Variants in C11orf65 observed in about 807,000 individuals in gnomAD.
C11orf65 encodes protein MFI.
Under a neutral mutation model 35.3 loss-of-function variants are expected in C11orf65, and 38 were observed. The ratio of observed to expected loss-of-function variants is 1.08; its 90% CI spans 0.83 to 1.41. The LOEUF (loss-of-function observed/expected upper bound fraction) is 1.41, where lower values mean the gene tolerates loss of function less well. C11orf65 is among the 40% of genes most tolerant of loss of function. C11orf65 has a pLI of 0.00. For missense variants in C11orf65, 370 were observed against 367.1 expected, an observed-to-expected ratio of 1.01 and a Z score of -0.06; for synonymous variants, 105 against 114.4, an observed-to-expected ratio of 0.92 and a Z score of 0.53.
At chr11:108,448,738 C>T (rs908775520) in intron 2 of C11orf65, among the ~76,000 whole-genome samples, 2 of 152,172 alleles carry the variant, frequency 1.3e-5, no homozygotes, top group Admixed American at 6.5e-5. Flanking sequence ...ACAGGATGCC[C>T]TCTCTCACCA....
chr11:108,419,068 A>G (rs1408638551), intron 3 of C11orf65, among the ~76,000 whole-genome samples: 38 of 152,196 alleles, frequency 2.5e-4, no homozygotes, highest in Admixed American at 2.5e-3. Context: ...TAAGGATGAA[A>G]ATAACACTCA....
In C11orf65 at chr11:108,326,230, G is replaced by GT. The variant is rs763287238; in HGVS notation, c.641-17160dup. The GT allele has an allele frequency of 1.0e-4, 164 of 1,608,806 alleles. No homozygotes were observed. Among genetic ancestry groups the GT allele is most frequent in the Middle Eastern group, 8.2e-4 (5 of 6,066 alleles). On this transcript the variant is annotated intron_variant, in intron 6 of 6. Coordinates refer to the C11orf65 transcript ENST00000525729. ...TTGGATGCCAGCTGTGCAGCGGTTT[G>GT]TTTTTTTTATTGGCTGGATTAGTGT...
chr11:108,353,666 G>GT, intron 2 of C11orf65: 2 of 930,724 alleles, frequency 2.1e-6, no homozygotes, highest in Non-Finnish European at 3.5e-6. Context: ...TAGAACGTAG[G>GT]TAACATGTGG....
chr11:108,433,439 A>G (rs2093020553), intron 2 of C11orf65, among the ~76,000 whole-genome samples: 3 of 151,618 alleles, frequency 2.0e-5, no homozygotes, highest in African/African-American at 7.3e-5. Context: ...AATTAGTTAG[A>G]TGTGGTGGCA....
intron 2 of C11orf65, chr11:108,335,327 G>A: frequency 7.0e-7 from 1 of 1,420,258 alleles, no homozygotes; most frequent in South Asian, 1.3e-5. Flanking sequence ...GTTGATTCAA[G>A]TAAAAGAATA....
intron 2 of C11orf65, among the ~76,000 whole-genome samples, chr11:108,372,806 C>T (rs568656167): frequency 1.2e-4 from 18 of 152,154 alleles, no homozygotes; most frequent in Middle Eastern, 3.4e-3. Context: ...AGAAAGATGC[C>T]GGGCACACAT....
chr11:108,443,280 C>T (rs1233509790), intron 2 of C11orf65, among the ~76,000 whole-genome samples: 7 of 152,136 alleles, frequency 4.6e-5, no homozygotes, highest in Non-Finnish European at 1.0e-4. Flanking sequence ...GCTAACTATC[C>T]TAAATATATA....
intron 6 of C11orf65, among the ~76,000 whole-genome samples, chr11:108,314,223 C>T (rs760928711): frequency 6.6e-6 from 1 of 152,092 alleles, no homozygotes; most frequent in Non-Finnish European, 1.5e-5. Context: ...TCAAGCCATC[C>T]TCCAACCTCA....
chr11:108,339,394 G>A (rs2087234032), intron 2 of C11orf65, among the ~76,000 whole-genome samples: 1 of 151,964 alleles, frequency 6.6e-6, no homozygotes, highest in African/African-American at 2.4e-5. Context: ...CTCAGTCATG[G>A]TTCTGGGGAG....
intron 2 of C11orf65, among the ~76,000 whole-genome samples, chr11:108,452,979 A>G (rs1331162152): frequency 8.3e-6 from 1 of 120,056 alleles, no homozygotes; most frequent in African/African-American, 3.2e-5. Flanking sequence ...GGTGGGGAAC[A>G]TCACACACCA....
intron 2 of C11orf65, chr11:108,345,992 T>A: frequency 6.6e-7 from 1 of 1,504,882 alleles, no homozygotes; most frequent in Non-Finnish European, 9.2e-7. Context: ...TTTTTCTACA[T>A]TCTGAGTTGC....
intron 6 of C11orf65, among the ~76,000 whole-genome samples, chr11:108,404,398 C>T (rs2092498286): frequency 6.6e-6 from 1 of 152,018 alleles, no homozygotes; most frequent in Non-Finnish European, 1.5e-5. Context: ...CACTTTCTGT[C>T]TTTGATACTT....
downstream of C11orf65, among the ~76,000 whole-genome samples, chr11:108,380,475 T>C (rs2091846835): frequency 6.6e-6 from 1 of 152,150 alleles, no homozygotes; most frequent in African/African-American, 2.4e-5. Context: ...ATATCACTTT[T>C]ATGCTTACCA....
downstream of C11orf65, among the ~76,000 whole-genome samples, chr11:108,380,688 G>A (rs75531414): frequency 0.012 from 1,873 of 152,278 alleles, 46 homozygotes; most frequent in African/African-American, 0.042. Context: ...TGCTTCCACT[G>A]CTGAATGACA....
At position 108,427,191 on chromosome 11, in the gene C11orf65, G is replaced by A. The variant is rs544919194; in HGVS notation, c.174+4555C>T. 8.8e-4 allele frequency among the ~76,000 whole-genome samples: 134 copies of A among 152,204 alleles called. 1 individual carries two copies. Among genetic ancestry groups the A allele is most frequent in the African/African-American group, 2.9e-3 (120 of 41,542 alleles). Reference sequence around the variant, plus strand: ...AATAAAAGCCAAAAGTGACAAATGGGATCTAATTAAACTAAAGAGCTTCTG... The same window carrying A: ...AATAAAAGCCAAAAGTGACAAATGGAATCTAATTAAACTAAAGAGCTTCTG... On this transcript the variant is annotated intron_variant, in intron 3 of 8. Coordinates refer to ENST00000393084, the MANE Select transcript of C11orf65 (RefSeq NM_152587.5).
intron 2 of C11orf65, among the ~76,000 whole-genome samples, chr11:108,363,713 C>T (rs1448222578): frequency 1.3e-5 from 2 of 152,240 alleles, no homozygotes; most frequent in African/African-American, 4.8e-5. Context: ...TATTCCTTTA[C>T]TGTTTCCAAC....
At chr11:108,365,579 C>A (rs2137937707) in intron 2 of C11orf65, 1 of 1,515,082 alleles carries the variant, frequency 6.6e-7, no homozygotes, top group Non-Finnish European at 9.0e-7. Flanking sequence ...TTTAACCTGC[C>A]AACATACTTT....
intron 2 of C11orf65, among the ~76,000 whole-genome samples, chr11:108,357,629 T>C (rs227049): frequency 1 from 151,420 of 152,144 alleles, 75,357 homozygotes; most frequent in Middle Eastern, 1. Context: ...TCAAGTGGGT[T>C]CCTGACCCCT....
At position 108,461,485 on chromosome 11, in the gene C11orf65, A is replaced by T; in HGVS notation, c.75T>A (p.Ser25Arg). Residue 25 changes from serine (S) to arginine (R), a missense_variant, in exon 2 of 9, where the codon AGT becomes AGA. By Grantham distance (110) the Ser-to-Arg change is moderately radical. Coordinates refer to ENST00000393084, the MANE Select transcript of C11orf65 (RefSeq NM_152587.5). Reference protein sequence around the residue: ...AARVIQQAWKSFLNVAIFQHF... With the variant: ...AARVIQQAWKRFLNVAIFQHF... Reference sequence around the variant, plus strand: ...AACTTCTAAATAAACTCACAAGGAAACTTTTCCAGGCCTGCTGAATGACTC... The same window carrying T: ...AACTTCTAAATAAACTCACAAGGAATCTTTTCCAGGCCTGCTGAATGACTC... The T allele has an allele frequency of 6.2e-7, 1 of 1,605,190 alleles. No individual in the cohort carries two copies. Among genetic ancestry groups the T allele is most frequent in the Non-Finnish European group, 8.5e-7 (1 of 1,174,674 alleles).
Sources: gnomAD v4.1 joint callset for allele counts (sites outside exome capture counted in the v4.1 genomes callset) on GRCh38, gnomAD v4.1.1 for gene constraint, MANE v1.5 for transcripts, NCBI Gene and HGNC (gene_info 2026-07-23, HGNC 2026-07-21) for gene names.